The following ARPP21 variants were observed in gnomAD, a reference collection of about 807,000 sequenced individuals.
ARPP21 encodes the protein cAMP-regulated phosphoprotein 21.
A neutral mutation model predicts 113.2 loss-of-function variants in ARPP21; 69 were observed. The ratio of observed to expected loss-of-function variants is 0.61; its 90% CI spans 0.50 to 0.74. ARPP21 has a LOEUF of 0.74. Among genes scored for constraint, ARPP21 ranks in the 30% least tolerant of loss-of-function variants. The pLI is 0.00. For missense variants in ARPP21, 1,070 were observed against 1,037.4 expected, an observed-to-expected ratio of 1.03 and a Z score of -0.43; for synonymous variants, 368 against 375.5, an observed-to-expected ratio of 0.98 and a Z score of 0.23.
intron 19 of ARPP21, among the ~76,000 whole-genome samples, chr3:35,748,850 A>G (rs1298590098): frequency 2.0e-5 from 3 of 152,192 alleles, no homozygotes; most frequent in Non-Finnish European, 4.4e-5. Flanking sequence ...GGGCTAGTTT[A>G]ATCACTACCA....
At chr3:35,685,009 A>G (rs763228326) in intron 5 of ARPP21, 1 of 984,646 alleles carries the variant, frequency 1.0e-6, no homozygotes, top group Non-Finnish European at 1.2e-6. Context: ...CACGGCTTAT[A>G]TTATTAAATG....
At chr3:35,725,953 C>A (rs2093501991) in intron 14 of ARPP21, among the ~76,000 whole-genome samples, 2 of 152,174 alleles carry the variant, frequency 1.3e-5, no homozygotes, top group African/African-American at 4.8e-5. Context: ...ATGAACATGA[C>A]CTACAGGCTT....
Position 35,683,813 on chromosome 3 carries a change from C to A in ARPP21, c.259C>A (p.Gln87Lys). The change falls in exon 5 of 21, where the codon CAG (glutamine) becomes AAG (lysine). Residue 87 changes from glutamine (Q) to lysine (K), a missense_variant and splice_region_variant. Gln to Lys is a moderately conservative substitution (Grantham distance 53, BLOSUM62 1). Transcript: ENST00000684406. Reference protein sequence around the residue: ...ARPGGESLQDQESIHLQLSSF... With the variant: ...ARPGGESLQDKESIHLQLSSF... ...ACCAGGAGGTGAAAGTCTTCAGGAT[C>A]AGGTATATCCCCTTGCCATTATCAT... 7.1e-7 allele frequency: 1 copy of A among 1,400,436 alleles called. No homozygotes were observed. The highest frequency in any genetic ancestry group is 1.0e-6 in the Non-Finnish European group (1 of 987,264). The allele number at this position is 1,400,436 out of a possible 1,614,324, so 86.8% of individuals were successfully genotyped here.
At chr3:35,773,789 G>A (rs532917696) in intron 19 of ARPP21, among the ~76,000 whole-genome samples, 158 of 152,094 alleles carry the variant, frequency 1.0e-3, no homozygotes, top group African/African-American at 3.7e-3. Flanking sequence ...AGTAACAGCC[G>A]TATGTGTTTT....
intron 13 of ARPP21, among the ~76,000 whole-genome samples, chr3:35,720,887 A>G (rs1298049159): frequency 2.0e-5 from 3 of 152,060 alleles, no homozygotes; most frequent in African/African-American, 4.8e-5. Flanking sequence ...TGTTATTTCC[A>G]TTGTTCCCCT....
At chr3:35,640,563 T>C (rs1697694571) in intron 1 of ARPP21, among the ~76,000 whole-genome samples, 165 bp downstream of exon 1, 1 of 152,218 alleles carries the variant, frequency 6.6e-6, no homozygotes, top group South Asian at 2.1e-4. Flanking sequence ...ATGTATTGTG[T>C]TTTTTATGTT....
chr3:35,739,531 C>A lies in ARPP21; in HGVS notation c.1964C>A (p.Pro655His), dbSNP rs2150756510. 1.9e-6 allele frequency: 3 copies of A among 1,614,036 alleles called. No homozygotes were observed. The highest frequency in any genetic ancestry group is 2.5e-6 in the Non-Finnish European group (3 of 1,179,940). ...GPPISQQVLQ[P>H]PPSPQGFVQQ... ...CCCATCTCCCAGCAGGTCCTCCAGC[C>A]CCCTCCCTCACCACAGGGATTTGTG... Residue 655 changes from proline (P) to histidine (H), a missense_variant, in exon 18 of 21, where the codon CCC (proline) becomes CAC (histidine). Coordinates refer to ENST00000684406, the MANE Select transcript of ARPP21 (RefSeq NM_001385562.1).
chr3:35,721,280 C>G (rs533267809), intron 13 of ARPP21, among the ~76,000 whole-genome samples: 1 of 152,042 alleles, frequency 6.6e-6, no homozygotes, highest in Non-Finnish European at 1.5e-5. Flanking sequence ...AGAAGTTATC[C>G]CCCTATTCTA....
chr3:35,663,330 CAATCAATCACCTACA>C (rs1186591757), intron 1 of ARPP21, among the ~76,000 whole-genome samples: 1 of 152,178 alleles, frequency 6.6e-6, no homozygotes, highest in Non-Finnish European at 1.5e-5. Flanking sequence ...TTGGAAATAA[CAATCAATCACCTACA>C]AATCAGAGTC....
intron 17 of ARPP21, among the ~76,000 whole-genome samples, chr3:35,738,602 G>C (rs576367215): frequency 3.9e-5 from 6 of 152,132 alleles, no homozygotes; most frequent in Non-Finnish European, 8.8e-5. Context: ...TAGAAATCAG[G>C]AACAGAGAGA....
chr3:35,789,217 A>C (rs1169648275), intron 19 of ARPP21, among the ~76,000 whole-genome samples: 1 of 152,212 alleles, frequency 6.6e-6, no homozygotes, highest in Non-Finnish European at 1.5e-5. Context: ...AGCAGTTCTC[A>C]CCAGTGCTGC....
chr3:35,758,890 G>T (rs529112756), intron 19 of ARPP21, among the ~76,000 whole-genome samples: 1 of 151,972 alleles, frequency 6.6e-6, no homozygotes, highest in Non-Finnish European at 1.5e-5. Context: ...ATGTGTGTGT[G>T]GGTGGTGGGT....
intron 1 of ARPP21, among the ~76,000 whole-genome samples, chr3:35,658,301 T>C (rs1705966592): frequency 6.6e-6 from 1 of 152,130 alleles, no homozygotes; most frequent in Non-Finnish European, 1.5e-5. Context: ...TTTCTTTCTT[T>C]CTCTTTCTTT....
intron 1 of ARPP21, among the ~76,000 whole-genome samples, chr3:35,678,210 A>G (rs2078004833): frequency 6.6e-6 from 1 of 151,944 alleles, no homozygotes; most frequent in South Asian, 2.1e-4. Flanking sequence ...TTTGGAAATT[A>G]CATTGCTGTT....
At chr3:35,779,554 T>C (rs2151697490) in intron 19 of ARPP21, among the ~76,000 whole-genome samples, 1 of 150,674 alleles carries the variant, frequency 6.6e-6, no homozygotes, top group South Asian at 2.1e-4. Context: ...TTGTGCATAC[T>C]CAAGATAAAT....
At position 35,789,263 on chromosome 3, in the gene ARPP21, G is replaced by A. The variant is rs150299541; in HGVS notation, c.2138-3119G>A. 6.7e-3 allele frequency among the ~76,000 whole-genome samples: 1,026 copies of A among 152,288 alleles called. 3 individuals are homozygous for A. The highest frequency in any genetic ancestry group is 0.02 in the Middle Eastern group (6 of 294). ...TTCGGGTGTGTTGTGTCCCAGGCAG[G>A]CACTGTCGGTTCATTCATAGGTCAC... On this transcript the variant is annotated intron_variant, in intron 19 of 20. Coordinates refer to ENST00000684406, the MANE Select transcript of ARPP21 (RefSeq NM_001385562.1).
intron 1 of ARPP21, among the ~76,000 whole-genome samples, chr3:35,657,574 G>A (rs944093851): frequency 1.2e-4 from 18 of 152,226 alleles, no homozygotes; most frequent in Admixed American, 5.2e-4. Context: ...CACTTTTGAG[G>A]TAGGGACCCT....
chr3:35,750,764 G>GT (rs1467634252), intron 19 of ARPP21, among the ~76,000 whole-genome samples: 1 of 152,134 alleles, frequency 6.6e-6, no homozygotes, highest in Admixed American at 6.5e-5. Flanking sequence ...GAGGGACTTG[G>GT]TTTTTCAGAC....
At chr3:35,780,391 G>T (rs1212915805) in intron 19 of ARPP21, among the ~76,000 whole-genome samples, 3 of 152,182 alleles carry the variant, frequency 2.0e-5, no homozygotes, top group Non-Finnish European at 4.4e-5. Flanking sequence ...ATGGGCAGTT[G>T]CATATATTGG....
Sources: allele counts gnomAD v4.1 joint callset (sites outside exome capture counted in the v4.1 genomes callset), GRCh38; gene constraint gnomAD v4.1.1; transcripts MANE v1.5; gene names NCBI Gene and HGNC (gene_info 2026-07-23, HGNC 2026-07-21).